Variants in KCNK13 observed in about 807,000 individuals in gnomAD.
KCNK13 encodes the protein potassium channel subfamily K member 13.
In KCNK13, 12 loss-of-function variants were observed where a neutral mutation model predicts 23.4. The observed-to-expected ratio is 0.51, with a 90% CI of 0.33 to 0.83. KCNK13 has a LOEUF of 0.83. Among genes scored for constraint, KCNK13 ranks in the 40% least tolerant of loss-of-function variants. The pLI is 0.02. For synonymous variants in KCNK13, 231 were observed against 229.5 expected, an observed-to-expected ratio of 1.01 and a Z score of -0.06; for missense variants, 463 against 556.3, an observed-to-expected ratio of 0.83 and a Z score of 1.69.
chr14:90,171,348 G>C (rs1334143353), intron 1 of KCNK13, among the ~76,000 whole-genome samples: 1 of 152,226 alleles, frequency 6.6e-6, no homozygotes, highest in African/African-American at 2.4e-5. Flanking sequence ...AGTGGTGTTT[G>C]TGAAGAAGGA....
intron 1 of KCNK13, among the ~76,000 whole-genome samples, chr14:90,082,020 C>G (rs993384959): frequency 1.3e-5 from 2 of 152,122 alleles, no homozygotes; most frequent in African/African-American, 4.8e-5. Context: ...GATTCAGTTG[C>G]TCAATCTTGA....
intron 1 of KCNK13, among the ~76,000 whole-genome samples, chr14:90,071,691 G>T (rs1889076232): frequency 6.6e-6 from 1 of 152,194 alleles, no homozygotes; most frequent in South Asian, 2.1e-4. Flanking sequence ...GAGGTCAGGA[G>T]ATCAAGACCA....
At chr14:90,146,411 G>A (rs930031304) in intron 1 of KCNK13, among the ~76,000 whole-genome samples, 1 of 152,116 alleles carries the variant, frequency 6.6e-6, no homozygotes, top group Non-Finnish European at 1.5e-5. Flanking sequence ...TGCCTCCTGG[G>A]TTCAAGCGAT....
intron 1 of KCNK13, among the ~76,000 whole-genome samples, chr14:90,156,058 C>T (rs1474636287): frequency 6.6e-6 from 1 of 151,922 alleles, no homozygotes. Flanking sequence ...ATGAAAATTA[C>T]CCAGGCATGG....
chr14:90,094,645 C>CTTTTTTTT (rs778654067), intron 1 of KCNK13, among the ~76,000 whole-genome samples: 62 of 111,610 alleles, frequency 5.6e-4, no homozygotes, highest in East Asian at 1.0e-3. Flanking sequence ...TCTTTTTTTT[C>CTTTTTTTT]TTTTTTTTTT....
At chr14:90,094,226 A>G (rs1889382069) in intron 1 of KCNK13, among the ~76,000 whole-genome samples, 1 of 152,154 alleles carries the variant, frequency 6.6e-6, no homozygotes, top group Non-Finnish European at 1.5e-5. Context: ...TGCTTTGACT[A>G]TAATGTCCTT....
At chr14:90,163,218 A>G (rs1890269350) in intron 1 of KCNK13, among the ~76,000 whole-genome samples, 2 of 152,212 alleles carry the variant, frequency 1.3e-5, no homozygotes, top group Admixed American at 1.3e-4. Context: ...TGTCAAGGAG[A>G]AGGAACATTC....
At position 90,171,030 on chromosome 14, in the gene KCNK13, C is replaced by T. The variant is rs567664563; in HGVS notation, c.335-13081C>T. Among the ~76,000 whole-genome samples, 52 of 152,308 alleles carry T rather than the reference C, an allele frequency of 3.4e-4. 1 individual carries two copies. Among genetic ancestry groups the T allele is most frequent in the Admixed American group, 2.3e-3 (35 of 15,302 alleles). ...GGACCCAGTTCCCAGCTTGACTTTT[C>T]CCTTTGGCTAAATGAGTTTGGGGTC... On this transcript the variant is annotated intron_variant, in intron 1 of 1. Coordinates refer to ENST00000282146, the MANE Select transcript of KCNK13 (RefSeq NM_022054.4).
At position 90,142,052 on chromosome 14, in the gene KCNK13, G is replaced by T. The variant is rs1296710557; in HGVS notation, c.335-42059G>T. ...TCCGTCCGCCTCAGCCTCCTAAAGT[G>T]CTGGGATTACAGGCATGAGCCACCG... On this transcript the variant is annotated intron_variant, in intron 1 of 1. Coordinates refer to ENST00000282146, the MANE Select transcript of KCNK13 (RefSeq NM_022054.4). Among the ~76,000 whole-genome samples the T allele has an allele frequency of 2.6e-5, 4 of 151,726 alleles. No homozygotes were observed. In the East Asian group the frequency reaches 7.8e-4, roughly 30 times the overall value.
rs75472793 is a variant in KCNK13, at chr14:90,062,763, A to G, written c.334+224A>G. The stretch of plus-strand genomic sequence containing the variant: ...TCACCTGGCAGCTTGTTAGAAATGC[A>G]GTCTCAGTCCCCTCTGCAGACCTGC... On this transcript the variant is annotated intron_variant, in intron 1 of 1. Coordinates refer to ENST00000282146, the MANE Select transcript of KCNK13 (RefSeq NM_022054.4). This position sits in a 1 kb window ranked among gnomAD's most constrained non-coding sequence, Gnocchi z 4.5. Among the ~76,000 whole-genome samples the G allele has an allele frequency of 0.016, 2,488 of 152,286 alleles. 64 individuals carry two copies. The highest frequency in any genetic ancestry group is 0.056 in the African/African-American group (2,334 of 41,546).
intron 1 of KCNK13, among the ~76,000 whole-genome samples, chr14:90,088,366 A>C (rs980956232): frequency 7.2e-5 from 11 of 152,148 alleles, no homozygotes; most frequent in African/African-American, 2.7e-4. Context: ...TCTGATTCAT[A>C]GCATTTGCCT....
chr14:90,108,867 C>CA (rs1470572721), intron 1 of KCNK13, among the ~76,000 whole-genome samples: 4 of 152,138 alleles, frequency 2.6e-5, no homozygotes. Flanking sequence ...AAAGAGCCCC[C>CA]AATGCTTTGA....
In KCNK13 at chr14:90,077,160, C is replaced by T. The variant is rs146379829; in HGVS notation, c.334+14621C>T. 1.2e-3 allele frequency among the ~76,000 whole-genome samples: 161 copies of T among 132,356 alleles called. 2 individuals are homozygous for T. Among genetic ancestry groups the T allele is most frequent in the African/African-American group, 3.4e-3 (118 of 34,430 alleles). 86.8% of individuals were successfully genotyped at this position (132,356 alleles called of 152,430 possible). ...TTTAGACGAAGTTTCTCTCTCATTG[C>T]CCAGGCTGGAGTTCAATGGTGCGAT... On this transcript the variant is annotated intron_variant, in intron 1 of 1. Transcript: ENST00000282146.
intron 1 of KCNK13, among the ~76,000 whole-genome samples, chr14:90,147,181 G>A (rs1404254227): frequency 6.6e-6 from 1 of 152,076 alleles, no homozygotes; most frequent in Non-Finnish European, 1.5e-5. Flanking sequence ...AAGAAAGGAG[G>A]GTATATCTAG....
Position 90,142,569 on chromosome 14 carries a change from C to T in KCNK13, c.335-41542C>T, listed in dbSNP as rs373152615. ...TCCTGACCTCGTGATCCACCCGCCT[C>T]GGCCTCCCAAAGTGCTGGGATTACA... On this transcript the variant is annotated intron_variant, in intron 1 of 1. Coordinates refer to ENST00000282146, the MANE Select transcript of KCNK13 (RefSeq NM_022054.4). Among the ~76,000 whole-genome samples the T allele has an allele frequency of 2.8e-4, 43 of 152,184 alleles. No homozygotes were observed. In the East Asian group the frequency reaches 3.1e-3, roughly 11 times the overall value.
intron 1 of KCNK13, among the ~76,000 whole-genome samples, chr14:90,101,830 A>AAAGAACT (rs1334927881): frequency 6.9e-6 from 1 of 144,690 alleles, no homozygotes; most frequent in Non-Finnish European, 1.5e-5. Context: ...AGTCACCGCT[A>AAAGAACT]AAGAACTTCC....
At chr14:90,183,109 A>G (rs947733218) in intron 1 of KCNK13, among the ~76,000 whole-genome samples, 9 of 152,106 alleles carry the variant, frequency 5.9e-5, no homozygotes, top group Non-Finnish European at 8.8e-5. Flanking sequence ...AGTAACATCC[A>G]TTGTTCTACA....
chr14:90,069,925 G>C (rs1889053809), intron 1 of KCNK13, among the ~76,000 whole-genome samples: 1 of 152,124 alleles, frequency 6.6e-6, no homozygotes, highest in Admixed American at 6.6e-5. Flanking sequence ...ACCAAGTTTT[G>C]TTTTGTTCAG....
intron 1 of KCNK13, among the ~76,000 whole-genome samples, chr14:90,175,880 G>A (rs150143232): frequency 7.2e-5 from 11 of 152,250 alleles, no homozygotes; most frequent in African/African-American, 2.2e-4. Flanking sequence ...TCTAGGAATG[G>A]CTGGGCCTGT....
Sources: gnomAD v4.1 joint callset for allele counts (sites outside exome capture counted in the v4.1 genomes callset) on GRCh38, gnomAD v4.1.1 for gene constraint, Gnocchi (gnomAD v3.1) non-coding constraint, MANE v1.5 for transcripts, NCBI Gene and HGNC (gene_info 2026-07-23, HGNC 2026-07-21) for gene names.